LOXL2: variants seen among roughly 807,000 people sequenced by gnomAD.
The protein encoded by LOXL2 is lysyl oxidase like 2.
A neutral mutation model predicts 93.0 loss-of-function variants in LOXL2; 70 were observed. The ratio of observed to expected loss-of-function variants is 0.75; its 90% CI spans 0.62 to 0.92. The LOEUF (loss-of-function observed/expected upper bound fraction) is 0.92, where lower values mean the gene tolerates loss of function less well. Among genes scored for constraint, LOXL2 ranks in the 40% least tolerant of loss-of-function variants. The pLI is 0.00. For synonymous variants in LOXL2, 438 were observed against 413.2 expected (o/e 1.06, Z -0.73); for missense variants, 973 against 1,054.9 (o/e 0.92, Z 1.08).
chr8:23,316,283 G>C (rs1439562934), intron 9 of LOXL2, among the ~76,000 whole-genome samples: 2 of 152,196 alleles, frequency 1.3e-5, no homozygotes, highest in Admixed American at 6.5e-5. Flanking sequence ...CAGCCAATAA[G>C]GCAGGGTCTG....
intron 3 of LOXL2, among the ~76,000 whole-genome samples, chr8:23,350,955 G>C (rs1804082566): frequency 6.6e-6 from 1 of 152,060 alleles, no homozygotes; most frequent in South Asian, 2.1e-4. Context: ...TCCTGTCCTG[G>C]TCAGGCCTGA....
At chr8:23,358,845 A>ATTTT (rs5890105) in intron 3 of LOXL2, among the ~76,000 whole-genome samples, 5 of 135,668 alleles carry the variant, frequency 3.7e-5, no homozygotes, top group African/African-American at 5.5e-5. Flanking sequence ...CAGTACCTGC[A>ATTTT]TTTTTTTTTT....
chr8:23,319,371 A>G (rs1376264079), intron 8 of LOXL2, among the ~76,000 whole-genome samples: 1 of 152,156 alleles, frequency 6.6e-6, no homozygotes, highest in African/African-American at 2.4e-5. Context: ...AGTGCAGCTG[A>G]TGTGACAAGG....
At chr8:23,366,027 C>T (rs1021519455) in intron 2 of LOXL2, 12 of 152,212 alleles carry the variant, frequency 7.9e-5, no homozygotes, top group African/African-American at 2.9e-4. Context: ...CCTACTACCC[C>T]GTGCCTGCTC....
At chr8:23,328,637 C>G (rs1349436094) in intron 5 of LOXL2, 72 bp from the exon 6 acceptor site, 1 of 1,438,506 alleles carries the variant, frequency 7.0e-7, no homozygotes, top group Non-Finnish European at 9.7e-7. Context: ...GTCCCCGCCC[C>G]CTCCCTTCCC....
At chr8:23,370,471 G>A (rs1167177212) in intron 1 of LOXL2, among the ~76,000 whole-genome samples, 1 of 152,128 alleles carries the variant, frequency 6.6e-6, no homozygotes, top group Admixed American at 6.5e-5. Context: ...ATCTGCCTCT[G>A]GATGTATCAG....
At chr8:23,366,325 C>G (rs1166493469) in intron 2 of LOXL2, among the ~76,000 whole-genome samples, 1 of 152,216 alleles carries the variant, frequency 6.6e-6, no homozygotes, top group Non-Finnish European at 1.5e-5. Flanking sequence ...TGGCTCTCAT[C>G]GCCCAGAGCA....
At chr8:23,302,226 T>C (rs1174910746) in intron 11 of LOXL2, 63 bp from the exon 12 acceptor site, 1 of 1,598,044 alleles carries the variant, frequency 6.3e-7, no homozygotes, top group Admixed American at 1.7e-5. Context: ...CGCACCCTCT[T>C]CCTGCTTCCA....
At chr8:23,364,176 C>CTTT (rs11461397) in intron 2 of LOXL2, 1 of 151,942 alleles carries the variant, frequency 6.6e-6, no homozygotes, top group Admixed American at 6.6e-5. Context: ...GCAAAGGGCC[C>CTTT]TTTTTTTTCC....
chr8:23,302,813 A>G lies in LOXL2; in HGVS notation c.1996+469T>C, dbSNP rs1292488777. ...GATCACAGGGCAGGTGTGGTGACCT[A>G]CCAGAAGTGTGAGCAGAGTGCCACA... On this transcript the variant is annotated intron_variant, in intron 11 of 13. Transcript: ENST00000389131. 2.0e-5 allele frequency among the ~76,000 whole-genome samples: 3 copies of G among 152,220 alleles called. No individual in the cohort carries two copies. In the East Asian group the frequency reaches 5.8e-4, roughly 29 times the overall value.
intron 3 of LOXL2, among the ~76,000 whole-genome samples, chr8:23,359,362 T>A (rs1352582765): frequency 1.3e-5 from 2 of 152,178 alleles, no homozygotes; most frequent in Non-Finnish European, 2.9e-5. Context: ...ATGACTTCCA[T>A]CCTGTGTTCT....
chr8:23,301,298 A>G (rs1310377858), intron 12 of LOXL2, among the ~76,000 whole-genome samples: 1 of 152,186 alleles, frequency 6.6e-6, no homozygotes, highest in East Asian at 1.9e-4. Context: ...TAGGGACACA[A>G]TGCCCCTTTT....
intron 10 of LOXL2, among the ~76,000 whole-genome samples, chr8:23,306,456 G>A (rs988984699): frequency 1.1e-4 from 16 of 152,250 alleles, no homozygotes; most frequent in African/African-American, 2.2e-4. Flanking sequence ...GAAAGGCAGA[G>A]GCCCTTCTGC....
At chr8:23,366,081 T>C (rs1804395891) in intron 2 of LOXL2, 1 of 152,206 alleles carries the variant, frequency 6.6e-6, no homozygotes, top group South Asian at 2.1e-4. Flanking sequence ...CAACAGGTGT[T>C]TTAAATTGAG....
chr8:23,394,701 A>C lies in LOXL2; in HGVS notation c.-84+9253T>G, dbSNP rs528979056. On this transcript the variant is annotated intron_variant, in intron 1 of 13. Coordinates refer to ENST00000389131, the MANE Select transcript of LOXL2 (RefSeq NM_002318.3). ...GTGAAAAACAATTTGGTGATTCCTC[A>C]AAAAGCTAAACATAGAATTACTATA... Among the ~76,000 whole-genome samples the C allele has an allele frequency of 5.9e-5, 9 of 151,964 alleles. No individual in the cohort carries two copies. In the South Asian group the frequency reaches 1.9e-3, roughly 32 times the overall value.
At chr8:23,314,865 A>AAAG (rs145715229) in intron 9 of LOXL2, among the ~76,000 whole-genome samples, 4 of 151,924 alleles carry the variant, frequency 2.6e-5, no homozygotes, top group African/African-American at 9.7e-5. Flanking sequence ...AAAAGGAGAA[A>AAAG]AACAACAACA....
intron 4 of LOXL2, among the ~76,000 whole-genome samples, chr8:23,338,218 C>T (rs1803826351): frequency 6.6e-6 from 1 of 152,210 alleles, no homozygotes; most frequent in Admixed American, 6.5e-5. Flanking sequence ...CCACTGGGTC[C>T]CTCCCACGAC....
chr8:23,394,396 GA>G (rs1159727066), intron 1 of LOXL2, among the ~76,000 whole-genome samples: 1,191 of 64,346 alleles, frequency 0.019, 7 homozygotes, highest in African/African-American at 0.053. Context: ...CTGTCTCAGA[GA>G]AAAAAAAAAA....
chr8:23,347,591 A>T (rs914510149), intron 3 of LOXL2, among the ~76,000 whole-genome samples: 2 of 152,222 alleles, frequency 1.3e-5, no homozygotes, highest in African/African-American at 4.8e-5. Flanking sequence ...CGGAGTTTGC[A>T]GTGAGCAAAG....
Sources: allele counts gnomAD v4.1 joint callset (sites outside exome capture counted in the v4.1 genomes callset), GRCh38; gene constraint gnomAD v4.1.1; transcripts MANE v1.5; gene names NCBI Gene and HGNC (gene_info 2026-07-23, HGNC 2026-07-21).